Variants in ERI3 observed in about 807,000 individuals in gnomAD.
The protein encoded by ERI3 is ERI1 exoribonuclease family member 3.
In ERI3, 18 loss-of-function variants were observed where a neutral mutation model predicts 44.4. The ratio of observed to expected loss-of-function variants is 0.41; its 90% CI spans 0.28 to 0.60. ERI3 has a LOEUF of 0.60. Ranked by LOEUF, ERI3 falls within the 20% of genes least tolerant of loss-of-function variation. The pLI, the probability that ERI3 is intolerant of heterozygous loss-of-function variation, is 0.36. For missense variants in ERI3, 294 were observed against 435.5 expected (o/e 0.68, Z 2.89); for synonymous variants, 183 against 164.8 (o/e 1.11, Z -0.84).
intron 1 of ERI3, chr1:44,353,274 C>A (rs956547141): frequency 5.9e-5 from 58 of 985,196 alleles, no homozygotes; most frequent in Non-Finnish European, 6.6e-5. Flanking sequence ...AACTAAGGAA[C>A]TAAGGCTGGG....
In ERI3 at chr1:44,235,109, C is replaced by T. The variant is rs1644274214; in HGVS notation, c.931+12830G>A. 6.6e-6 allele frequency among the ~76,000 whole-genome samples: 1 copy of T among 152,200 alleles called. No homozygotes were observed. The highest frequency in any genetic ancestry group is 2.1e-4 in the South Asian group (1 of 4,828). On this transcript the variant is annotated intron_variant, in intron 8 of 8. Coordinates refer to ENST00000372257, the MANE Select transcript of ERI3 (RefSeq NM_024066.3). The surrounding 1 kb of genome is among the most constrained non-coding windows in gnomAD (Gnocchi z 4.6). Reference sequence around the variant, plus strand: ...CCACCACCAGCACCACTTCCAGTGGCTCCTCACTGCTCTCAGGACTGCTCA... The same window carrying T: ...CCACCACCAGCACCACTTCCAGTGGTTCCTCACTGCTCTCAGGACTGCTCA...
chr1:44,313,577 A>G lies in ERI3; in HGVS notation c.607-349T>C, dbSNP rs566829227. Among the ~76,000 whole-genome samples, 3 of 152,328 alleles carry G rather than the reference A, an allele frequency of 2.0e-5. No individual in the cohort carries two copies. In the East Asian group the frequency reaches 5.8e-4, roughly 29 times the overall value. On this transcript the variant is annotated intron_variant, in intron 4 of 8. Coordinates refer to ENST00000372257, the MANE Select transcript of ERI3 (RefSeq NM_024066.3). ...ATGTCTTTTGTATTCAATAGGCTCA[A>G]TAACTTCCCACAATTACAGTCTCAA...
intron 6 of ERI3, among the ~76,000 whole-genome samples, chr1:44,306,990 G>GTCT (rs1347418654): frequency 6.6e-6 from 1 of 152,274 alleles, no homozygotes; most frequent in East Asian, 1.9e-4. Context: ...AAGAACAAGA[G>GTCT]TCTTCTTCCT....
intron 6 of ERI3, among the ~76,000 whole-genome samples, chr1:44,285,875 T>C (rs1366731253): frequency 6.6e-6 from 1 of 152,236 alleles, no homozygotes; most frequent in African/African-American, 2.4e-5. Context: ...AGAGCTTTGC[T>C]ACAGGCAATG....
At chr1:44,254,899 T>C (rs906844040) in intron 7 of ERI3, among the ~76,000 whole-genome samples, 1 of 151,458 alleles carries the variant, frequency 6.6e-6, no homozygotes, top group Admixed American at 6.6e-5. Flanking sequence ...CCATCTAGTA[T>C]TTCTTGTCTT....
intron 6 of ERI3, among the ~76,000 whole-genome samples, chr1:44,305,018 C>G (rs1228052570): frequency 6.6e-6 from 1 of 152,158 alleles, no homozygotes; most frequent in Non-Finnish European, 1.5e-5. Flanking sequence ...GGCCCCTATT[C>G]CACCAGAGAA....
chr1:44,277,187 G>A (rs1409793936), intron 7 of ERI3, among the ~76,000 whole-genome samples: 1 of 152,118 alleles, frequency 6.6e-6, no homozygotes, highest in African/African-American at 2.4e-5. Flanking sequence ...ACCTCCATTT[G>A]TGCCCATCTT....
At chr1:44,308,225 T>C (rs916795756) in intron 6 of ERI3, 85 bp downstream of exon 6, 2 of 948,270 alleles carry the variant, frequency 2.1e-6, no homozygotes, top group South Asian at 1.3e-5. Flanking sequence ...TCCAGCTGCC[T>C]TGTAGACATT....
At chr1:44,293,938 C>T (rs111429022) in intron 6 of ERI3, among the ~76,000 whole-genome samples, 35 of 152,292 alleles carry the variant, frequency 2.3e-4, no homozygotes, top group African/African-American at 7.7e-4. Flanking sequence ...TGAACCCAGC[C>T]GGGCAGAGAA....
intron 7 of ERI3, among the ~76,000 whole-genome samples, chr1:44,284,412 G>T (rs1010053789): frequency 1.3e-5 from 2 of 152,334 alleles, no homozygotes; most frequent in East Asian, 1.9e-4. Flanking sequence ...CAACCAGAGT[G>T]ATATATCAGG....
In ERI3 at chr1:44,312,471, G is replaced by A. The variant is rs1045796815; in HGVS notation, c.666+698C>T. 5.3e-5 allele frequency among the ~76,000 whole-genome samples: 8 copies of A among 151,978 alleles called. No individual in the cohort carries two copies. In the South Asian group the frequency reaches 1.2e-3, roughly 24 times the overall value. On this transcript the variant is annotated intron_variant, in intron 5 of 8. Coordinates refer to ENST00000372257, the MANE Select transcript of ERI3 (RefSeq NM_024066.3). ...AAGCACTGCCCTTCCTTATTCCCTC[G>A]GGCTACAGCGCAAGAAACAGCATCT...
At chr1:44,247,315 GC>G (rs1644575174) in intron 8 of ERI3, among the ~76,000 whole-genome samples, 1 of 152,014 alleles carries the variant, frequency 6.6e-6, no homozygotes, top group Non-Finnish European at 1.5e-5. Context: ...ACCTCCAACT[GC>G]CTGGAATCAT....
intron 2 of ERI3, among the ~76,000 whole-genome samples, chr1:44,348,932 C>G (rs1225461979): frequency 2.0e-5 from 3 of 152,202 alleles, no homozygotes; most frequent in Non-Finnish European, 4.4e-5. Flanking sequence ...ACCACCTGAC[C>G]CACTTCCCAG....
At chr1:44,274,907 A>C (rs779567137) in intron 7 of ERI3, among the ~76,000 whole-genome samples, 5 of 152,146 alleles carry the variant, frequency 3.3e-5, no homozygotes, top group Non-Finnish European at 5.9e-5. Context: ...AGACAGATGA[A>C]GGCCCTGATC....
At chr1:44,264,566 T>C (rs1177944902) in intron 7 of ERI3, among the ~76,000 whole-genome samples, 1 of 152,240 alleles carries the variant, frequency 6.6e-6, no homozygotes, top group Non-Finnish European at 1.5e-5. Context: ...GCATAGGCAA[T>C]GAAGCTCCGG....
rs1198938768 is a variant in ERI3 at position 44,228,377 on chromosome 1, A to G, written c.932-6737T>C. ...CTCTCACCGTAATAAGCGCGCTCCA[A>G]ATAATTAGCGTGTTTTACGTAATAA... is the stretch of plus-strand genomic sequence containing the variant. On this transcript the variant is annotated intron_variant, in intron 8 of 8. Transcript: ENST00000372257. The surrounding 1 kb of genome is among the most constrained non-coding windows in gnomAD (Gnocchi z 4.3). Among the ~76,000 whole-genome samples, 1 of 152,222 alleles carries G rather than the reference A, an allele frequency of 6.6e-6. No individual in the cohort carries two copies. Among genetic ancestry groups the G allele is most frequent in the East Asian group, 1.9e-4 (1 of 5,206 alleles).
chr1:44,289,804 G>A (rs532670336), intron 6 of ERI3, among the ~76,000 whole-genome samples: 3 of 152,384 alleles, frequency 2.0e-5, no homozygotes, highest in South Asian at 2.1e-4. Flanking sequence ...TGAAGCCCTT[G>A]TGAGCGGGAG....
At chr1:44,305,959 G>T (rs1049519755) in intron 6 of ERI3, among the ~76,000 whole-genome samples, 1 of 152,208 alleles carries the variant, frequency 6.6e-6, no homozygotes, top group African/African-American at 2.4e-5. Context: ...TTTACCGGGC[G>T]CATAAAAAGG....
rs1644709550 is a variant in ERI3, at chr1:44,252,812, G to T, written c.832-4774C>A. 6.6e-6 allele frequency among the ~76,000 whole-genome samples: 1 copy of T among 152,206 alleles called. No individual in the cohort carries two copies. On this transcript the variant is annotated intron_variant, in intron 7 of 8. Transcript: ENST00000372257. The surrounding 1 kb of genome is among the most constrained non-coding windows in gnomAD (Gnocchi z 4.7). ...GAGTGGAGTGGACGCACAGTGGGAA[G>T]GGCTGTGGTTGGGCTAAATGGCTAG...
Sources: allele counts gnomAD v4.1 joint callset (sites outside exome capture counted in the v4.1 genomes callset), GRCh38; gene constraint gnomAD v4.1.1; non-coding constraint Gnocchi (gnomAD v3.1); transcripts MANE v1.5; gene names NCBI Gene and HGNC (gene_info 2026-07-23, HGNC 2026-07-21).